SPAG16: variants seen among roughly 807,000 people sequenced by gnomAD.
The protein encoded by SPAG16 is sperm-associated antigen 16 protein.
In SPAG16, 86 loss-of-function variants were observed where a neutral mutation model predicts 80.4. The ratio of observed to expected loss-of-function variants is 1.07; its 90% CI spans 0.90 to 1.28. SPAG16 has a LOEUF of 1.28. SPAG16 is among the 50% of genes most tolerant of loss of function. SPAG16 has a pLI of 0.00. For synonymous variants in SPAG16, 294 were observed against 265.9 expected (o/e 1.11, Z -1.03); for missense variants, 870 against 765.3 (o/e 1.14, Z -1.61).
chr2:213,379,043 T>G (rs537925437), intron 9 of SPAG16, among the ~76,000 whole-genome samples: 2 of 152,346 alleles, frequency 1.3e-5, no homozygotes, highest in South Asian at 4.1e-4. Context: ...GAGCCCAAAG[T>G]GTCCAAGTGG....
At chr2:213,707,386 C>T (rs2065803738) in intron 10 of SPAG16, among the ~76,000 whole-genome samples, 1 of 152,164 alleles carries the variant, frequency 6.6e-6, no homozygotes, top group African/African-American at 2.4e-5. Flanking sequence ...TAAATTGACT[C>T]ACTGTTACTC....
chr2:214,072,992 T>G (rs769686916), intron 13 of SPAG16, among the ~76,000 whole-genome samples: 7 of 152,130 alleles, frequency 4.6e-5, no homozygotes, highest in Non-Finnish European at 1.0e-4. Flanking sequence ...ATCACAAAGT[T>G]AAAATTTCTA....
At chr2:213,489,899 A>G in intron 9 of SPAG16, 64 bp from the exon 10 acceptor site, 1 of 1,209,690 alleles carries the variant, frequency 8.3e-7, no homozygotes, top group Non-Finnish European at 1.1e-6. Context: ...ATTAAATCAG[A>G]GTATCAACCT....
chr2:213,894,532 A>G (rs1308786346), intron 11 of SPAG16, among the ~76,000 whole-genome samples: 2 of 152,164 alleles, frequency 1.3e-5, no homozygotes, highest in Admixed American at 1.3e-4. Flanking sequence ...ATTTGGAGAA[A>G]AAGACAAGGA....
intron 15 of SPAG16, among the ~76,000 whole-genome samples, chr2:214,176,940 T>A (rs775904819): frequency 2.0e-5 from 3 of 151,016 alleles, no homozygotes; most frequent in Non-Finnish European, 4.5e-5. Context: ...CAGAATTTTA[T>A]GCTAAGCTTT....
intron 5 of SPAG16, among the ~76,000 whole-genome samples, chr2:213,323,759 A>G (rs77068078): frequency 6.6e-6 from 1 of 152,202 alleles, no homozygotes; most frequent in African/African-American, 2.4e-5. Flanking sequence ...GGTAAAAAAA[A>G]TATGGTACAT....
intron 13 of SPAG16, among the ~76,000 whole-genome samples, chr2:214,056,953 T>C (rs2049975908): frequency 6.6e-6 from 1 of 152,168 alleles, no homozygotes; most frequent in South Asian, 2.1e-4. Context: ...TCTCATCCAT[T>C]AAAATTTTAT....
intron 13 of SPAG16, among the ~76,000 whole-genome samples, chr2:214,014,578 G>T (rs182653962): frequency 1.6e-4 from 25 of 152,270 alleles, no homozygotes; most frequent in Admixed American, 1.0e-3. Flanking sequence ...GGATATATAG[G>T]TCATCTGGAG....
chr2:213,381,442 C>T (rs1038328979), intron 9 of SPAG16, among the ~76,000 whole-genome samples: 16 of 152,152 alleles, frequency 1.1e-4, no homozygotes, highest in Non-Finnish European at 1.6e-4. Context: ...GCCATAACAA[C>T]GGTTCCATGT....
chr2:213,889,774 C>T (rs982057046), intron 11 of SPAG16, among the ~76,000 whole-genome samples: 1 of 150,266 alleles, frequency 6.7e-6, no homozygotes, highest in Non-Finnish European at 1.5e-5. Context: ...ATGTAAAGTA[C>T]TCTACCACAT....
intron 10 of SPAG16, among the ~76,000 whole-genome samples, chr2:213,783,512 AC>A (rs1176246683): frequency 7.9e-6 from 1 of 126,248 alleles, no homozygotes; most frequent in African/African-American, 2.9e-5. Context: ...AAGACTTAAC[AC>A]CCTGGACAAA....
chr2:213,592,212 A>T (rs1251974235), intron 10 of SPAG16, among the ~76,000 whole-genome samples: 4 of 152,246 alleles, frequency 2.6e-5, no homozygotes, highest in Admixed American at 6.5e-5. Context: ...TCTGAATATT[A>T]AAGTGCAATT....
rs1012917887 is a variant in SPAG16 at position 213,786,652 on chromosome 2, T to C, written c.1071-75833T>C. Among the ~76,000 whole-genome samples, 8 of 152,154 alleles carry C rather than the reference T, an allele frequency of 5.3e-5. No homozygotes were observed. The South Asian group carries it at 1.2e-3, about 24-fold the overall frequency. On this transcript the variant is annotated intron_variant, in intron 10 of 15. Transcript: ENST00000331683. ...AGATGATGTAGAGCTATGCAAACTG[T>C]GTATTCATAAAACATATGGCAGAAA... is the stretch of plus-strand genomic sequence containing the variant.
intron 15 of SPAG16, among the ~76,000 whole-genome samples, chr2:214,312,687 G>C (rs1695415449): frequency 6.6e-6 from 1 of 152,076 alleles, no homozygotes. Context: ...CTTATGTATG[G>C]GGAGCACAAG....
At position 214,089,404 on chromosome 2, in the gene SPAG16, A is replaced by G. The variant is rs368186062; in HGVS notation, c.1528-18792A>G. ...ATCTTCTGAGAATTTATTCTCAAGA[A>G]ATGGTAAAGATCATGTACAAACACT... On this transcript the variant is annotated intron_variant, in intron 13 of 15. Transcript: ENST00000331683. Among the ~76,000 whole-genome samples, 8 of 152,246 alleles carry G rather than the reference A, an allele frequency of 5.3e-5. No homozygotes were observed. In the East Asian group the frequency reaches 1.5e-3, roughly 29 times the overall value.
At chr2:213,642,478 G>A (rs2062629413) in intron 10 of SPAG16, among the ~76,000 whole-genome samples, 1 of 152,074 alleles carries the variant, frequency 6.6e-6, no homozygotes, top group African/African-American at 2.4e-5. Context: ...GTGTGTCTGT[G>A]AGGGTGTTAC....
At chr2:214,221,596 GA>G (rs1182040757) in intron 15 of SPAG16, among the ~76,000 whole-genome samples, 2 of 152,072 alleles carry the variant, frequency 1.3e-5, no homozygotes, top group East Asian at 3.9e-4. Context: ...AACTGCTAAA[GA>G]GTAAATATTT....
chr2:213,913,717 A>G (rs1226510266), intron 11 of SPAG16, among the ~76,000 whole-genome samples: 1 of 152,044 alleles, frequency 6.6e-6, no homozygotes, highest in East Asian at 1.9e-4. Context: ...GCATATATAT[A>G]CAAAGAGATA....
intron 9 of SPAG16, chr2:213,396,664 A>G (rs1381707588): frequency 6.6e-6 from 3 of 456,564 alleles, no homozygotes; most frequent in Middle Eastern, 6.5e-4. Context: ...AGACAAGAGA[A>G]CAACAGTGCA....
Sources: allele counts gnomAD v4.1 joint callset (sites outside exome capture counted in the v4.1 genomes callset), GRCh38; gene constraint gnomAD v4.1.1; transcripts MANE v1.5; gene names NCBI Gene and HGNC (gene_info 2026-07-23, HGNC 2026-07-21).